HMGCLL1: variants seen among roughly 807,000 people sequenced by gnomAD.
The protein encoded by HMGCLL1 is 3-hydroxy-3-methylglutaryl-CoA lyase like 1, also known as 3-hydroxymethyl-3-methylglutaryl-CoA lyase, cytoplasmic.
A neutral mutation model predicts 39.1 loss-of-function variants in HMGCLL1; 36 were observed. That is an observed-to-expected ratio of 0.92 (90% CI 0.71 to 1.22). The LOEUF is 1.22. Ranked by LOEUF, HMGCLL1 falls within the 50% of genes most tolerant of loss-of-function variation. The pLI, the probability that HMGCLL1 is intolerant of heterozygous loss-of-function variation, is 0.00. For synonymous variants in HMGCLL1, 149 were observed against 144.0 expected, an observed-to-expected ratio of 1.03 and a Z score of -0.25; for missense variants, 451 against 416.5, an observed-to-expected ratio of 1.08 and a Z score of -0.72.
At chr6:55,447,386 T>G (rs556122750) in intron 7 of HMGCLL1, among the ~76,000 whole-genome samples, 1 of 152,066 alleles carries the variant, frequency 6.6e-6, no homozygotes, top group Admixed American at 6.6e-5. Flanking sequence ...TATATATAGA[T>G]GCAAAGAGAG....
chr6:55,502,286 T>G (rs1766929536), intron 5 of HMGCLL1, among the ~76,000 whole-genome samples: 1 of 151,788 alleles, frequency 6.6e-6, no homozygotes, highest in South Asian at 2.1e-4. Context: ...GTAGTCTATT[T>G]TTTTCTCTAC....
chr6:55,653,704 C>A, the HMGCLL1 span, among the ~76,000 whole-genome samples: 2 of 151,964 alleles, frequency 1.3e-5, no homozygotes, highest in African/African-American at 2.4e-5. Context: ...CCAATAGGAA[C>A]CCTGGACCAG....
chr6:55,673,412 C>T, the HMGCLL1 span, among the ~76,000 whole-genome samples: 1 of 151,390 alleles, frequency 6.6e-6, no homozygotes, highest in Non-Finnish European at 1.5e-5. Flanking sequence ...ACCAATATTA[C>T]AAAAAAATGA....
chr6:55,668,098 G>A, the HMGCLL1 span, among the ~76,000 whole-genome samples: 1 of 151,774 alleles, frequency 6.6e-6, no homozygotes, highest in African/African-American at 2.4e-5. Context: ...ACTCACCTAT[G>A]AGACACTTTC....
the HMGCLL1 span, among the ~76,000 whole-genome samples, chr6:55,634,022 A>G: frequency 5.3e-5 from 8 of 151,984 alleles, no homozygotes; most frequent in South Asian, 8.3e-4. Context: ...CAATCCTTCT[A>G]TTTTTATGGT....
chr6:55,595,315 A>G, the HMGCLL1 span, among the ~76,000 whole-genome samples: 1 of 152,198 alleles, frequency 6.6e-6, no homozygotes, highest in African/African-American at 2.4e-5. Flanking sequence ...TTCTAAATAA[A>G]CGCTGTCAAA....
chr6:55,656,923 T>G, the HMGCLL1 span, among the ~76,000 whole-genome samples: 3 of 151,964 alleles, frequency 2.0e-5, no homozygotes, highest in Non-Finnish European at 4.4e-5. Context: ...ACTGTATTAC[T>G]TGTGGCAGTG....
At chr6:55,621,211 G>A in the HMGCLL1 span, among the ~76,000 whole-genome samples, 1 of 152,010 alleles carries the variant, frequency 6.6e-6, no homozygotes, top group Non-Finnish European at 1.5e-5. Flanking sequence ...GATGGCCTTG[G>A]GTATTATGGA....
chr6:55,470,869 C>T (rs1765015277), intron 7 of HMGCLL1, among the ~76,000 whole-genome samples: 1 of 151,624 alleles, frequency 6.6e-6, no homozygotes, highest in African/African-American at 2.4e-5. Flanking sequence ...TTAAAACCAT[C>T]AGTTATCATG....
chr6:55,504,004 T>G (rs1212585226), intron 5 of HMGCLL1, among the ~76,000 whole-genome samples: 2 of 151,764 alleles, frequency 1.3e-5, no homozygotes, highest in Non-Finnish European at 2.9e-5. Context: ...TCTTAGAGCA[T>G]GGATTTGATT....
intron 1 of HMGCLL1, among the ~76,000 whole-genome samples, chr6:55,574,411 TAA>T (rs1441904134): frequency 6.6e-6 from 1 of 151,794 alleles, no homozygotes; most frequent in South Asian, 2.1e-4. Context: ...AAAATGAAGT[TAA>T]AGAGTCATAT....
chr6:55,471,936 CA>C (rs773511238), intron 7 of HMGCLL1, among the ~76,000 whole-genome samples: 2 of 151,668 alleles, frequency 1.3e-5, no homozygotes, highest in Admixed American at 6.6e-5. Context: ...TATACTTTAT[CA>C]TGTCTGACTT....
At chr6:55,568,196 G>C (rs1014341633) in intron 1 of HMGCLL1, among the ~76,000 whole-genome samples, 7 of 152,064 alleles carry the variant, frequency 4.6e-5, no homozygotes, top group Non-Finnish European at 8.8e-5. Flanking sequence ...ATATCTGAGA[G>C]AAGAAATTAA....
the HMGCLL1 span, among the ~76,000 whole-genome samples, chr6:55,666,674 A>G: frequency 6.6e-6 from 1 of 151,860 alleles, no homozygotes; most frequent in South Asian, 2.1e-4. Context: ...TTCCAAAGCA[A>G]TAAATCTCAA....
chr6:55,492,588 T>C (rs1266146282), intron 7 of HMGCLL1, among the ~76,000 whole-genome samples: 5 of 152,232 alleles, frequency 3.3e-5, no homozygotes, highest in African/African-American at 1.2e-4. Flanking sequence ...AATGCGTTTA[T>C]CAAACTCTAT....
chr6:55,508,884 G>C (rs552002527), intron 5 of HMGCLL1, among the ~76,000 whole-genome samples: 1 of 150,940 alleles, frequency 6.6e-6, no homozygotes, highest in East Asian at 1.9e-4. Flanking sequence ...GTATAATCCA[G>C]CAAAAGAATA....
intron 3 of HMGCLL1, among the ~76,000 whole-genome samples, chr6:55,524,982 T>C (rs1768239893): frequency 2.0e-5 from 3 of 149,148 alleles, no homozygotes; most frequent in South Asian, 4.2e-4. Context: ...GTAATAGTAA[T>C]AGTAATTAAT....
intron 5 of HMGCLL1, among the ~76,000 whole-genome samples, chr6:55,508,637 C>A (rs1324768143): frequency 6.6e-6 from 1 of 151,822 alleles, no homozygotes; most frequent in Non-Finnish European, 1.5e-5. Flanking sequence ...GCACAACTCT[C>A]TTTTCATACT....
intron 7 of HMGCLL1, among the ~76,000 whole-genome samples, chr6:55,492,027 A>G (rs1056082220): frequency 6.6e-6 from 1 of 152,170 alleles, no homozygotes; most frequent in East Asian, 1.9e-4. Context: ...CGTTCCATTT[A>G]TAACTTTCAT....
Sources: allele counts gnomAD v4.1 joint callset (sites outside exome capture counted in the v4.1 genomes callset), GRCh38; gene constraint gnomAD v4.1.1; transcripts MANE v1.5; gene names NCBI Gene and HGNC (gene_info 2026-07-23, HGNC 2026-07-21).